CELF2: variants seen among roughly 807,000 people sequenced by gnomAD.
CELF2 encodes the protein CUGBP Elav-like family member 2, also known as CUG triplet repeat RNA-binding protein 2.
A neutral mutation model predicts 62.6 loss-of-function variants in CELF2; 8 were observed. The observed-to-expected ratio is 0.13, with a 90% CI of 0.07 to 0.23. The LOEUF (loss-of-function observed/expected upper bound fraction) is 0.23, where lower values mean the gene tolerates loss of function less well. Among genes scored for constraint, CELF2 ranks in the 10% least tolerant of loss-of-function variants. CELF2 has a pLI of 1.00. For missense variants in CELF2, 333 were observed against 671.0 expected (o/e 0.50, Z 5.56); for synonymous variants, 258 against 250.0 (o/e 1.03, Z -0.30).
At chr10:10,466,468 G>A in the CELF2 span, among the ~76,000 whole-genome samples, 1 of 152,112 alleles carries the variant, frequency 6.6e-6, no homozygotes. Flanking sequence ...ATGAACATTT[G>A]GGTACTTTCC....
At chr10:11,130,276 A>G (rs2059421779) in intron 1 of CELF2, among the ~76,000 whole-genome samples, 1 of 152,258 alleles carries the variant, frequency 6.6e-6, no homozygotes, top group African/African-American at 2.4e-5. Flanking sequence ...TTCATTCAGC[A>G]GGCACTTACT....
chr10:11,193,142 G>A (rs1162203154), intron 2 of CELF2, among the ~76,000 whole-genome samples: 5 of 152,174 alleles, frequency 3.3e-5, no homozygotes, highest in African/African-American at 1.2e-4. Context: ...GCCTCGCGTG[G>A]GGCTTCCAGT....
At chr10:10,733,612 T>TC in the CELF2 span, among the ~76,000 whole-genome samples, 4 of 151,868 alleles carry the variant, frequency 2.6e-5, no homozygotes, top group Admixed American at 2.6e-4. Context: ...CAGCATGGCT[T>TC]GGGGGGGCCT....
chr10:10,892,307 G>C (rs1296845128), intron 1 of CELF2, among the ~76,000 whole-genome samples: 2 of 152,096 alleles, frequency 1.3e-5, no homozygotes, highest in Non-Finnish European at 2.9e-5. Flanking sequence ...ACTTGGCCAA[G>C]GTCACTCACC....
chr10:11,320,792 C>T (rs2095395439), intron 10 of CELF2: 1 of 1,466,914 alleles, frequency 6.8e-7, no homozygotes, highest in Admixed American at 2.1e-5. Flanking sequence ...AAATGGATTT[C>T]AGTGTACAGA....
chr10:11,188,901 G>A (rs183832500), intron 2 of CELF2, among the ~76,000 whole-genome samples: 6 of 152,078 alleles, frequency 3.9e-5, no homozygotes, highest in African/African-American at 9.6e-5. Context: ...TTAATCTGCC[G>A]TTAATCCCAT....
chr10:10,735,342 A>T, the CELF2 span, among the ~76,000 whole-genome samples: 1 of 152,210 alleles, frequency 6.6e-6, no homozygotes, highest in Non-Finnish European at 1.5e-5. Context: ...TAAAAATCTC[A>T]TCCGTGCCAT....
chr10:10,859,707 T>A (rs1038351842), intron 1 of CELF2, among the ~76,000 whole-genome samples: 8 of 152,168 alleles, frequency 5.3e-5, no homozygotes, highest in African/African-American at 1.9e-4. Context: ...AGGCCACACA[T>A]TATGCCACTA....
chr10:11,173,651 C>T (rs1003820107), intron 2 of CELF2, among the ~76,000 whole-genome samples: 8 of 152,092 alleles, frequency 5.3e-5, no homozygotes, highest in Non-Finnish European at 1.0e-4. Context: ...ACATACAGCC[C>T]CAGATTCTAA....
intron 4 of CELF2, among the ~76,000 whole-genome samples, chr10:11,252,286 A>G (rs1234894177): frequency 2.6e-5 from 4 of 152,260 alleles, no homozygotes; most frequent in Admixed American, 2.6e-4. Context: ...TCTTTGGCTC[A>G]GTTGCTCTAA....
intron 2 of CELF2, among the ~76,000 whole-genome samples, chr10:11,210,097 TA>T (rs2061445249): frequency 6.6e-6 from 1 of 152,246 alleles, no homozygotes; most frequent in Admixed American, 6.5e-5. Context: ...AGGCAGCGTG[TA>T]AAGGAATTTC....
At chr10:10,979,482 G>A (rs182918536) in intron 2 of CELF2, among the ~76,000 whole-genome samples, 1 of 152,148 alleles carries the variant, frequency 6.6e-6, no homozygotes, top group East Asian at 1.9e-4. Context: ...ACCAGCCTGG[G>A]CAACATGGTG....
chr10:10,994,763 G>T (rs893578781), intron 2 of CELF2, among the ~76,000 whole-genome samples: 5 of 141,962 alleles, frequency 3.5e-5, no homozygotes, highest in Non-Finnish European at 7.7e-5. Context: ...TGCCAAAAAG[G>T]TTGGGGACTG....
chr10:10,803,579 AACCTCTAGCACATCTCCCTGATGG>A (rs1224154357), intron 1 of CELF2, among the ~76,000 whole-genome samples: 2 of 152,222 alleles, frequency 1.3e-5, no homozygotes, highest in African/African-American at 4.8e-5. Context: ...GCCAAAAGTC[AACCTCTAGCACATCTCCCTGATGG>A]ACTGAATCAT....
intron 2 of CELF2, among the ~76,000 whole-genome samples, chr10:10,932,632 C>A (rs1290985854): frequency 6.6e-6 from 1 of 151,780 alleles, no homozygotes; most frequent in Admixed American, 6.6e-5. Context: ...CATGTTCTTT[C>A]TTAGCAAAAT....
intron 1 of CELF2, among the ~76,000 whole-genome samples, chr10:11,037,436 T>C (rs1423276681): frequency 6.6e-6 from 1 of 151,910 alleles, no homozygotes; most frequent in Non-Finnish European, 1.5e-5. Context: ...GGGGTGGAGG[T>C]AGGGGGAAGC....
chr10:10,785,109 A>G, the CELF2 span, among the ~76,000 whole-genome samples: 3 of 152,232 alleles, frequency 2.0e-5, no homozygotes, highest in African/African-American at 7.2e-5. Context: ...ATAAAATTCC[A>G]TATGCATTTC....
At chr10:10,629,861 C>CAAAAAAAAAAAA in the CELF2 span, among the ~76,000 whole-genome samples, 5 of 12,342 alleles carry the variant, frequency 4.1e-4, 2 homozygotes, top group African/African-American at 6.7e-4. Context: ...GGCTGAAGAC[C>CAAAAAAAAAAAA]AAAAAAAAAA....
the CELF2 span, among the ~76,000 whole-genome samples, chr10:10,694,425 C>T: frequency 6.6e-6 from 1 of 151,708 alleles, no homozygotes; most frequent in Non-Finnish European, 1.5e-5. Context: ...GAGAGCTTTA[C>T]TTCCAAGTAT....
Sources: gnomAD v4.1 joint callset for allele counts (sites outside exome capture counted in the v4.1 genomes callset) on GRCh38, gnomAD v4.1.1 for gene constraint, MANE v1.5 for transcripts, NCBI Gene and HGNC (gene_info 2026-07-23, HGNC 2026-07-21) for gene names.